The following RAD18 variants were observed in gnomAD, a reference collection of about 807,000 sequenced individuals.
RAD18 encodes the protein RAD18 E3 ubiquitin protein ligase.
RAD18 carries 47 observed loss-of-function variants against 60.4 expected under a neutral mutation model. That is an observed-to-expected ratio of 0.78 (90% CI 0.62 to 0.99). RAD18 has a LOEUF of 0.99. RAD18 is among the 50% of genes least tolerant of loss of function. The pLI is 0.00. For synonymous variants in RAD18, 225 were observed against 195.5 expected (o/e 1.15, Z -1.26); for missense variants, 640 against 593.3 (o/e 1.08, Z -0.82).
chr3:8,903,397 C>A (rs11711315), intron 9 of RAD18, among the ~76,000 whole-genome samples: 21,208 of 150,286 alleles, frequency 0.14, 1,803 homozygotes, highest in East Asian at 0.23. Flanking sequence ...GTTGAATCAT[C>A]ATAACAAAGG....
At position 8,941,570 on chromosome 3, in the gene RAD18, T is replaced by C; in HGVS notation, c.501A>G (p.Ala167=). The change falls in exon 5 of 13, where the codon GCA becomes GCG. Residue 167 remains alanine (A), a synonymous_variant. Coordinates refer to ENST00000264926, the MANE Select transcript of RAD18 (RefSeq NM_020165.4). ...CTACAGAACGTGTCTCTTTGGTCTT[T>C]GCAGCAGGGCTCGCCTCTTTTTGAG... ...FSPQKEASPA[A]KTKETRSVEE... 1.3e-5 allele frequency: 21 copies of C among 1,614,186 alleles called. No homozygotes were observed. The highest frequency in any genetic ancestry group is 1.8e-5 in the Non-Finnish European group (21 of 1,180,024).
chr3:8,951,965 A>G (rs1940933173), intron 2 of RAD18, among the ~76,000 whole-genome samples: 1 of 152,158 alleles, frequency 6.6e-6, no homozygotes, highest in African/African-American at 2.4e-5. Flanking sequence ...AAGCTCCGGT[A>G]TCTCTTCTCA....
At chr3:8,921,125 A>G (rs1361853381) in intron 7 of RAD18, among the ~76,000 whole-genome samples, 1 of 152,264 alleles carries the variant, frequency 6.6e-6, no homozygotes, top group Non-Finnish European at 1.5e-5. Flanking sequence ...ACATACACAC[A>G]TTCACAGAAA....
At chr3:8,944,668 G>T (rs1940811357) in intron 4 of RAD18, among the ~76,000 whole-genome samples, 1 of 144,438 alleles carries the variant, frequency 6.9e-6, no homozygotes, top group Non-Finnish European at 1.5e-5. Context: ...GGGAGGGAGG[G>T]AGGGAGGAAG....
chr3:8,917,924 G>A (rs1940235719), intron 7 of RAD18, among the ~76,000 whole-genome samples: 1 of 152,180 alleles, frequency 6.6e-6, no homozygotes, highest in Non-Finnish European at 1.5e-5. Context: ...AGTATGGAAA[G>A]AGATGTCTCA....
At chr3:8,907,997 G>C (rs1489965911) in intron 9 of RAD18, among the ~76,000 whole-genome samples, 1 of 152,164 alleles carries the variant, frequency 6.6e-6, no homozygotes, top group Non-Finnish European at 1.5e-5. Context: ...CACCCACAAA[G>C]GGGGTCAAGG....
chr3:8,899,787 G>A (rs933499961), intron 10 of RAD18, among the ~76,000 whole-genome samples: 3 of 152,130 alleles, frequency 2.0e-5, no homozygotes, highest in Admixed American at 6.5e-5. Flanking sequence ...CATCATGAAC[G>A]CTGCTGGGAT....
At position 8,890,372 on chromosome 3, in the gene RAD18, T is replaced by C. The variant is rs750886639; in HGVS notation, c.1385+17A>G. ...CAGGTCAAAGTGCATGCTTATTTCA[T>C]GATTATGAGAACTCACTTATGTGAT... On this transcript the variant is annotated intron_variant, in intron 12 of 12. Transcript: ENST00000264926. 2.6e-6 allele frequency: 4 copies of C among 1,549,396 alleles called. No homozygotes were observed. Among genetic ancestry groups the C allele is most frequent in the Non-Finnish European group, 3.6e-6 (4 of 1,121,644 alleles).
At chr3:8,945,068 A>G (rs191782710) in intron 4 of RAD18, among the ~76,000 whole-genome samples, 1 of 152,358 alleles carries the variant, frequency 6.6e-6, no homozygotes, top group Non-Finnish European at 1.5e-5. Context: ...TATTAGGACT[A>G]TAAGTAACCT....
intron 2 of RAD18, among the ~76,000 whole-genome samples, chr3:8,953,274 A>T (rs1214640502): frequency 5.3e-5 from 8 of 151,204 alleles, no homozygotes. Context: ...TTATGTATAC[A>T]TCAATAAATA....
intron 7 of RAD18, among the ~76,000 whole-genome samples, chr3:8,917,399 T>C (rs1940222972): frequency 6.6e-6 from 1 of 152,140 alleles, no homozygotes; most frequent in African/African-American, 2.4e-5. Flanking sequence ...GTATAAAATA[T>C]ACTTTTTTCT....
At position 8,936,008 on chromosome 3, in the gene RAD18, A is replaced by C; in HGVS notation, c.752T>G (p.Leu251Arg). 1 of 1,609,762 alleles carries C rather than the reference A, an allele frequency of 6.2e-7. No individual in the cohort carries two copies. The highest frequency in any genetic ancestry group is 2.2e-5 in the East Asian group (1 of 44,778). The change falls in exon 7 of 13, where the codon CTC (leucine) becomes CGC (arginine). Residue 251 changes from leucine (L) to arginine (R), a missense_variant. Physicochemically the swap from Leu to Arg is moderately radical, Grantham distance 102. Transcript: ENST00000264926. ...KPLPKTVYNL[L>R]SDRDLKKKLK... ...CTTTTTCTTTAAATCACGATCAGAG[A>C]GCAAATTATATACAGTTTTGGGCAG...
At chr3:8,947,512 C>T (rs547372805) in intron 3 of RAD18, among the ~76,000 whole-genome samples, 1 of 152,256 alleles carries the variant, frequency 6.6e-6, no homozygotes, top group East Asian at 1.9e-4. Context: ...CTCTCCAGAG[C>T]TTCTCTTATA....
In RAD18 at chr3:8,879,190, T is replaced by C. The variant is rs1939414438; in HGVS notation, c.*2167A>G. On this transcript the variant is annotated 3_prime_UTR_variant, in exon 13 of 13. Coordinates refer to ENST00000264926, the MANE Select transcript of RAD18 (RefSeq NM_020165.4). ...GATAATTCTTTACTGTGGAGTGTTG[T>C]AGTCTAAAGCGTGCCCCTTAACCCC... The C allele has an allele frequency of 6.6e-6, 1 of 152,164 alleles. No homozygotes were observed. Among genetic ancestry groups the C allele is most frequent in the East Asian group, 1.9e-4 (1 of 5,192 alleles). The allele number at this position is 152,164 out of a possible 1,614,324, so 9.4% of individuals were successfully genotyped here. A position where few individuals can be genotyped will look rare whatever the true frequency, so the allele number is the denominator to read the frequency against.
In RAD18 at chr3:8,880,873, A is replaced by G. The variant is rs1462517539; in HGVS notation, c.*484T>C. The G allele has an allele frequency of 1.3e-5, 2 of 153,748 alleles. No individual in the cohort carries two copies. Among genetic ancestry groups the G allele is most frequent in the African/African-American group, 4.8e-5 (2 of 41,458 alleles). 9.5% of individuals were successfully genotyped at this position (153,748 alleles called of 1,614,324 possible). A position where few individuals can be genotyped will look rare whatever the true frequency, so the allele number is the denominator to read the frequency against. ...TAACACAGGCATGGTGGTGGCGTGC[A>G]TCGGTACTTACACACACCAAGGATG... On this transcript the variant is annotated 3_prime_UTR_variant, in exon 13 of 13. Coordinates refer to ENST00000264926, the MANE Select transcript of RAD18 (RefSeq NM_020165.4).
Position 8,902,535 on chromosome 3 carries a change from A to G in RAD18, c.1028-15T>C, listed in dbSNP as rs1553624780. ...ATGTTTTTTACCTGAAATTCAAAAG[A>G]TCTTCTCAGTAAAGCTAGGACTATG... On this transcript the variant is annotated splice_polypyrimidine_tract_variant and intron_variant, in intron 9 of 12. Coordinates refer to ENST00000264926, the MANE Select transcript of RAD18 (RefSeq NM_020165.4). 4 of 1,592,966 alleles carry G rather than the reference A, an allele frequency of 2.5e-6. No individual in the cohort carries two copies. The highest frequency in any genetic ancestry group is 2.7e-5 in the African/African-American group (2 of 73,382).
chr3:8,881,830 T>C (rs557098610), intron 12 of RAD18, among the ~76,000 whole-genome samples: 1 of 152,332 alleles, frequency 6.6e-6, no homozygotes, highest in East Asian at 1.9e-4. Flanking sequence ...ACCTGAGGTT[T>C]TAAAGGAACT....
chr3:8,884,126 G>T (rs564334396), intron 12 of RAD18, among the ~76,000 whole-genome samples: 1 of 152,160 alleles, frequency 6.6e-6, no homozygotes, highest in Non-Finnish European at 1.5e-5. Context: ...GGGACTGTCA[G>T]CCTGCTGGTC....
chr3:8,953,964 A>G (rs868827316), intron 2 of RAD18, among the ~76,000 whole-genome samples: 4 of 152,248 alleles, frequency 2.6e-5, no homozygotes, highest in South Asian at 4.1e-4. Flanking sequence ...AAGAGACAAC[A>G]TAAGATTCTA....
Sources: allele counts gnomAD v4.1 joint callset (sites outside exome capture counted in the v4.1 genomes callset), GRCh38; gene constraint gnomAD v4.1.1; transcripts MANE v1.5; gene names NCBI Gene and HGNC (gene_info 2026-07-23, HGNC 2026-07-21).